The following RAPGEF4 variants were observed in gnomAD, a reference collection of about 807,000 sequenced individuals.
The protein encoded by RAPGEF4 is RAP guanine-nucleotide-exchange factor (GEF) 4.
RAPGEF4 carries 66 observed loss-of-function variants against 147.9 expected under a neutral mutation model. That is an observed-to-expected ratio of 0.45 (90% CI 0.37 to 0.55). The LOEUF (loss-of-function observed/expected upper bound fraction) is 0.55. Among genes scored for constraint, RAPGEF4 ranks in the 20% least tolerant of loss-of-function variants. The pLI is 0.00. For synonymous variants in RAPGEF4, 419 were observed against 442.7 expected (o/e 0.95, Z 0.67); for missense variants, 1,071 against 1,257.3 (o/e 0.85, Z 2.24).
intron 6 of RAPGEF4, among the ~76,000 whole-genome samples, chr2:172,942,522 G>A (rs1238938564): frequency 6.7e-6 from 1 of 149,804 alleles, no homozygotes; most frequent in Non-Finnish European, 1.5e-5. Flanking sequence ...GGAGTACCAG[G>A]GGAATCAGAC....
chr2:172,957,020 A>C (rs1688812218), intron 6 of RAPGEF4, among the ~76,000 whole-genome samples: 1 of 152,230 alleles, frequency 6.6e-6, no homozygotes, highest in South Asian at 2.1e-4. Flanking sequence ...TTGTACCTGC[A>C]GTGGAGACAC....
intron 4 of RAPGEF4, among the ~76,000 whole-genome samples, chr2:172,890,131 G>A (rs1252048801): frequency 6.6e-6 from 1 of 152,348 alleles, no homozygotes; most frequent in East Asian, 1.9e-4. Flanking sequence ...AAATAATTTA[G>A]AGGGTTTTTA....
chr2:172,864,703 A>C (rs1694433650), intron 4 of RAPGEF4, among the ~76,000 whole-genome samples: 1 of 152,230 alleles, frequency 6.6e-6, no homozygotes. Flanking sequence ...TAGGAGTTCG[A>C]GACTAGCCTG....
At chr2:172,899,066 T>C (rs1359762648) in intron 4 of RAPGEF4, among the ~76,000 whole-genome samples, 1 of 152,230 alleles carries the variant, frequency 6.6e-6, no homozygotes, top group Non-Finnish European at 1.5e-5. Flanking sequence ...AAGCATTTTA[T>C]TTAAATCTGC....
At chr2:172,896,488 G>A (rs1303539270) in intron 4 of RAPGEF4, among the ~76,000 whole-genome samples, 1 of 151,998 alleles carries the variant, frequency 6.6e-6, no homozygotes, top group Non-Finnish European at 1.5e-5. Flanking sequence ...AATCAAAATA[G>A]TATTTATAGA....
chr2:172,786,870 T>C (rs1208138340), intron 1 of RAPGEF4, among the ~76,000 whole-genome samples: 2 of 152,034 alleles, frequency 1.3e-5, no homozygotes, highest in South Asian at 2.1e-4. Flanking sequence ...CCAGACAACA[T>C]AGCAAGACCG....
intron 29 of RAPGEF4, chr2:173,048,379 C>T: frequency 1.0e-6 from 1 of 965,118 alleles, no homozygotes; most frequent in Non-Finnish European, 1.4e-6. Context: ...AGAGTTATGC[C>T]ATTAATATTC....
At chr2:172,818,098 C>T (rs1688690371) in intron 4 of RAPGEF4, among the ~76,000 whole-genome samples, 1 of 151,448 alleles carries the variant, frequency 6.6e-6, no homozygotes, top group Non-Finnish European at 1.5e-5. Flanking sequence ...GAAAACCAAA[C>T]ATCATATGTT....
chr2:173,036,435 A>C (rs902647375), intron 28 of RAPGEF4, among the ~76,000 whole-genome samples, 193 bp from the exon 29 acceptor site: 2 of 152,250 alleles, frequency 1.3e-5, no homozygotes, highest in African/African-American at 4.8e-5. Flanking sequence ...ACAGAAGATT[A>C]GTTTAAAAAT....
chr2:172,763,991 C>A (rs1380942568), intron 1 of RAPGEF4, among the ~76,000 whole-genome samples: 1 of 152,102 alleles, frequency 6.6e-6, no homozygotes, highest in Non-Finnish European at 1.5e-5. Context: ...TGGCTCACAC[C>A]TGTAATCACA....
intron 1 of RAPGEF4, among the ~76,000 whole-genome samples, chr2:172,751,367 A>G (rs1011969685): frequency 2.0e-5 from 3 of 152,202 alleles, no homozygotes; most frequent in Non-Finnish European, 4.4e-5. Context: ...AAAACGATTT[A>G]TGGGGTACCT....
chr2:172,851,495 GTATGTTCATCGCAGCAC>G (rs1273958219), intron 4 of RAPGEF4, among the ~76,000 whole-genome samples: 1 of 152,122 alleles, frequency 6.6e-6, no homozygotes, highest in African/African-American at 2.4e-5. Flanking sequence ...ACATGCACAT[GTATGTTCATCGCAGCAC>G]TATTCACAAT....
chr2:172,994,776 A>G (rs953396628), intron 15 of RAPGEF4, among the ~76,000 whole-genome samples: 6 of 152,166 alleles, frequency 3.9e-5, no homozygotes, highest in African/African-American at 1.2e-4. Context: ...TCAAATATGC[A>G]TTGCCCACAA....
intron 29 of RAPGEF4, among the ~76,000 whole-genome samples, chr2:173,039,511 G>A (rs1684485627): frequency 6.6e-6 from 1 of 151,504 alleles, no homozygotes; most frequent in Non-Finnish European, 1.5e-5. Context: ...GCTACAGGAT[G>A]CGATCAGGGC....
intron 25 of RAPGEF4, among the ~76,000 whole-genome samples, chr2:173,028,537 A>G (rs968300587): frequency 5.3e-5 from 8 of 152,216 alleles, no homozygotes; most frequent in African/African-American, 1.9e-4. Flanking sequence ...AGAGCCTTTC[A>G]GAACACCCAG....
At chr2:172,993,893 C>T (rs1444279175) in intron 15 of RAPGEF4, among the ~76,000 whole-genome samples, 1 of 152,150 alleles carries the variant, frequency 6.6e-6, no homozygotes, top group Non-Finnish European at 1.5e-5. Context: ...AAGAAAGATC[C>T]TGGGGGTCTC....
At chr2:172,824,871 C>G in intron 4 of RAPGEF4, among the ~76,000 whole-genome samples, 1 of 152,190 alleles carries the variant, frequency 6.6e-6, no homozygotes. Context: ...GTGGGAGGCT[C>G]TCAACTATCC....
At chr2:172,951,751 C>G (rs564934288) in intron 6 of RAPGEF4, among the ~76,000 whole-genome samples, 2 of 152,296 alleles carry the variant, frequency 1.3e-5, no homozygotes, top group African/African-American at 4.8e-5. Flanking sequence ...AGGAGCCAGA[C>G]AGTTACACTG....
At chr2:173,002,994 A>T (rs1393602836) in intron 17 of RAPGEF4, among the ~76,000 whole-genome samples, 3 of 152,378 alleles carry the variant, frequency 2.0e-5, no homozygotes, top group African/African-American at 7.2e-5. Context: ...AAGGAAAAAT[A>T]AAATCCACCA....
Sources: gnomAD v4.1 joint callset for allele counts (sites outside exome capture counted in the v4.1 genomes callset) on GRCh38, gnomAD v4.1.1 for gene constraint, MANE v1.5 for transcripts, NCBI Gene and HGNC (gene_info 2026-07-23, HGNC 2026-07-21) for gene names.